The following ANK2 variants were observed in gnomAD, a reference collection of about 807,000 sequenced individuals.
The protein encoded by ANK2 is ankyrin 2.
ANK2 carries 83 observed loss-of-function variants against 360.5 expected under a neutral mutation model. The observed-to-expected ratio is 0.23, with a 90% confidence interval of 0.19 to 0.28. The LOEUF is 0.28. Among genes scored for constraint, ANK2 ranks in the 10% least tolerant of loss-of-function variants. ANK2 has a pLI of 1.00. For missense variants in ANK2, 4,201 were observed against 4,795.7 expected (o/e 0.88, Z 3.66); for synonymous variants, 1,740 against 1,759.5 (o/e 0.99, Z 0.28).
intron 2 of ANK2, among the ~76,000 whole-genome samples, chr4:113,174,888 T>G (rs564534638): frequency 6.6e-6 from 1 of 152,316 alleles, no homozygotes; most frequent in East Asian, 1.9e-4. Flanking sequence ...GGAAACTGAT[T>G]ATTACAATTT....
chr4:113,001,774 G>T (rs1012303488), intron 2 of ANK2, among the ~76,000 whole-genome samples: 1 of 151,906 alleles, frequency 6.6e-6, no homozygotes, highest in Non-Finnish European at 1.5e-5. Context: ...CTCTCCTCTC[G>T]CTCACATCCT....
chr4:113,057,934 T>C (rs1212675167), intron 1 of ANK2, among the ~76,000 whole-genome samples: 1 of 152,178 alleles, frequency 6.6e-6, no homozygotes, highest in East Asian at 1.9e-4. Context: ...TAGTATAACA[T>C]TACTAAGGTA....
chr4:112,897,149 TA>T (rs1450867686), intron 1 of ANK2, among the ~76,000 whole-genome samples: 2 of 152,140 alleles, frequency 1.3e-5, no homozygotes, highest in Non-Finnish European at 2.9e-5. Flanking sequence ...GCCAATTCTT[TA>T]AATTTTCATT....
At chr4:113,331,512 T>G (rs1243425343) in intron 27 of ANK2, among the ~76,000 whole-genome samples, 1 of 152,190 alleles carries the variant, frequency 6.6e-6, no homozygotes, top group African/African-American at 2.4e-5. Context: ...GAAAATGCCA[T>G]TATGTTTGGA....
At chr4:113,084,957 A>G (rs1201705504) in intron 1 of ANK2, among the ~76,000 whole-genome samples, 1 of 152,210 alleles carries the variant, frequency 6.6e-6, no homozygotes, top group African/African-American at 2.4e-5. Flanking sequence ...CAGTGTTTAA[A>G]TGACTAGTTT....
intron 9 of ANK2, 42 bp downstream of exon 9, chr4:113,242,251 C>A (rs2040363179): frequency 6.4e-7 from 1 of 1,564,934 alleles, no homozygotes; most frequent in Non-Finnish European, 8.8e-7. Flanking sequence ...ATTATTATTT[C>A]TTTCAAGCCT....
intron 26 of ANK2, among the ~76,000 whole-genome samples, chr4:113,320,162 C>G (rs982457715): frequency 6.6e-6 from 1 of 152,166 alleles, no homozygotes; most frequent in Non-Finnish European, 1.5e-5. Context: ...CTAGATACAC[C>G]TATAAGTAAT....
At chr4:113,342,921 A>G in intron 33 of ANK2, 96 bp from the exon 34 acceptor site, 5 of 1,491,674 alleles carry the variant, frequency 3.4e-6, no homozygotes, top group Non-Finnish European at 4.6e-6. Flanking sequence ...GTGTATTATA[A>G]GAATTTGAAG....
At chr4:113,247,352 G>A (rs1054160599) in intron 9 of ANK2, among the ~76,000 whole-genome samples, 2 of 152,118 alleles carry the variant, frequency 1.3e-5, no homozygotes, top group African/African-American at 4.8e-5. Context: ...ATCAAATTGA[G>A]CCTGTTGGGT....
chr4:113,311,431 CAGA>C (rs768963008), intron 24 of ANK2, 32 bp downstream of exon 24: 1 of 1,612,210 alleles, frequency 6.2e-7, no homozygotes, highest in East Asian at 2.2e-5. Context: ...TGATGTCAGC[CAGA>C]AGTATGTGCA....
At chr4:112,838,479 C>A (rs1579395455) in intron 1 of ANK2, among the ~76,000 whole-genome samples, 2 of 152,350 alleles carry the variant, frequency 1.3e-5, no homozygotes. Flanking sequence ...CTTCATTTAA[C>A]CCTGAGTTGT....
chr4:113,208,142 G>A (rs961497327), intron 4 of ANK2, among the ~76,000 whole-genome samples: 2 of 150,730 alleles, frequency 1.3e-5, no homozygotes, highest in African/African-American at 5.0e-5. Context: ...CTGGCTTGGG[G>A]GTGGAACAAG....
chr4:112,885,556 G>A (rs2150530940), intron 1 of ANK2, among the ~76,000 whole-genome samples: 1 of 151,688 alleles, frequency 6.6e-6, no homozygotes, highest in East Asian at 1.9e-4. Context: ...CAGCACTTTG[G>A]GAGGCGGAGG....
At chr4:112,712,078 T>TTATA in the ANK2 span, among the ~76,000 whole-genome samples, 3 of 148,574 alleles carry the variant, frequency 2.0e-5, no homozygotes, top group African/African-American at 7.3e-5. Flanking sequence ...ATATTTATTT[T>TTATA]TATTTATTTA....
At chr4:112,790,215 A>G in the ANK2 span, among the ~76,000 whole-genome samples, 115 of 152,366 alleles carry the variant, frequency 7.5e-4, no homozygotes, top group African/African-American at 2.7e-3. Context: ...CATTTTTGGA[A>G]ATAAGAAAGG....
chr4:113,110,469 G>C (rs764115871), intron 1 of ANK2, among the ~76,000 whole-genome samples: 12 of 152,150 alleles, frequency 7.9e-5, no homozygotes, highest in African/African-American at 2.9e-4. Context: ...ACAGGTGCAA[G>C]CATATCTTAT....
At position 113,064,029 on chromosome 4, in the gene ANK2, T is replaced by G. The variant is rs370091669; in HGVS notation, c.84+14217T>G. ...TTCCATAAACATAAAAAGACATTTT[T>G]TTGTTGTTGTTGTGTTTGCTTTTTA... On this transcript the variant is annotated intron_variant, in intron 1 of 45. Coordinates refer to ENST00000357077, the MANE Select transcript of ANK2 (RefSeq NM_001148.6). 8.5e-5 allele frequency among the ~76,000 whole-genome samples: 13 copies of G among 152,270 alleles called. No homozygotes were observed. In the South Asian group the frequency reaches 1.0e-3, roughly 12 times the overall value.
At chr4:113,304,447 T>G (rs1431144488) in intron 23 of ANK2, among the ~76,000 whole-genome samples, 1 of 152,202 alleles carries the variant, frequency 6.6e-6, no homozygotes, top group Non-Finnish European at 1.5e-5. Context: ...GTGTGTGGAT[T>G]TTATTAACTT....
At position 113,373,433 on chromosome 4, in the gene ANK2, A is replaced by G. The variant is rs1180995288; in HGVS notation, c.11843A>G (p.Asp3948Gly). ...KVIKRVVLKS[D>G]TEQSEDNNE Reference sequence around the variant, plus strand: ...ATAAAGCGTGTTGTATTGAAGAGTGACACCGAGCAGTCAGAGGTGAGACAA... The same window carrying G: ...ATAAAGCGTGTTGTATTGAAGAGTGGCACCGAGCAGTCAGAGGTGAGACAA... Residue 3948 changes from aspartate (D) to glycine (G), a missense_variant, in exon 45 of 46, where the codon GAC becomes GGC. Asp to Gly is a moderately conservative substitution (Grantham distance 94). Around this residue, in one of 4 missense-constraint regions of ANK2, gnomAD observed 2,642 missense variants for 2,714.5 expected, o/e 0.97. Transcript: ENST00000357077. 7 of 1,614,174 alleles carry G rather than the reference A, an allele frequency of 4.3e-6. No homozygotes were observed. Among genetic ancestry groups the G allele is most frequent in the Non-Finnish European group, 5.9e-6 (7 of 1,180,012 alleles).
Sources: allele counts gnomAD v4.1 joint callset (sites outside exome capture counted in the v4.1 genomes callset), GRCh38; gene constraint gnomAD v4.1.1; regional missense constraint gnomAD v4.1.1; transcripts MANE v1.5; gene names NCBI Gene and HGNC (gene_info 2026-07-23, HGNC 2026-07-21).